The following PIKFYVE variants were observed in gnomAD, a reference collection of about 807,000 sequenced individuals.
PIKFYVE encodes phosphoinositide kinase, FYVE-type zinc finger containing.
Under a neutral mutation model 257.9 loss-of-function variants are expected in PIKFYVE, and 122 were observed. The ratio of observed to expected loss-of-function variants is 0.47; its 90% confidence interval spans 0.41 to 0.55. The LOEUF (loss-of-function observed/expected upper bound fraction) is 0.55. Ranked by LOEUF, PIKFYVE falls within the 20% of genes least tolerant of loss-of-function variation. The probability of loss-of-function intolerance (pLI) is 0.00; values close to 1 mark genes in which losing one functional copy is unlikely to be tolerated. For missense variants in PIKFYVE, 2,160 were observed against 2,536.6 expected (o/e 0.85, Z 3.19); for synonymous variants, 892 against 868.9 (o/e 1.03, Z -0.47).
intron 33 of PIKFYVE, 82 bp downstream of exon 33, chr2:208,345,276 CATTT>C: frequency 8.9e-7 from 1 of 1,119,252 alleles, no homozygotes; most frequent in Non-Finnish European, 1.3e-6. Flanking sequence ...TTTATTACAG[CATTT>C]ATCATCATAA....
intron 9 of PIKFYVE, among the ~76,000 whole-genome samples, chr2:208,301,936 A>G (rs946532151): frequency 2.6e-5 from 4 of 152,176 alleles, no homozygotes; most frequent in African/African-American, 7.2e-5. Flanking sequence ...GCTTTTCTCA[A>G]CATTTTAAAA....
chr2:208,310,836 A>G (rs926696360), intron 12 of PIKFYVE, among the ~76,000 whole-genome samples: 4 of 152,220 alleles, frequency 2.6e-5, no homozygotes, highest in Admixed American at 6.5e-5. Context: ...TAAGAAGAAA[A>G]ACTGTGGATT....
chr2:208,311,920 A>T (rs1380739990), intron 12 of PIKFYVE, among the ~76,000 whole-genome samples: 1 of 152,236 alleles, frequency 6.6e-6, no homozygotes, highest in East Asian at 1.9e-4. Context: ...CAAGTATCTG[A>T]AGATTTAATT....
chr2:208,274,148 C>G, intron 3 of PIKFYVE: 1 of 1,342,832 alleles, frequency 7.4e-7, no homozygotes, highest in South Asian at 1.2e-5. Context: ...TCTGTCAACT[C>G]CATTATTGGG....
Position 208,335,802 on chromosome 2 carries a change from G to A in PIKFYVE, c.4266G>A (p.Gln1422=). 6.2e-7 allele frequency: 1 copy of A among 1,610,244 alleles called. No homozygotes were observed. Among genetic ancestry groups the A allele is most frequent in the Non-Finnish European group, 8.5e-7 (1 of 1,176,930 alleles). ...DLKDFFQKVS[Q]VYVAIDERLA... is the part of the protein sequence containing the mutation. Reference sequence around the variant, plus strand: ...CTCTCGCTATTGTTAGAGTTTCACAGGTATATGTTGCCATTGATGAAAGAC... The same window carrying A: ...CTCTCGCTATTGTTAGAGTTTCACAAGTATATGTTGCCATTGATGAAAGAC... The change falls in exon 26 of 42, where the codon CAG becomes CAA. Residue 1422 remains glutamine (Q), a synonymous_variant. Transcript: ENST00000264380.
chr2:208,348,058 G>T, intron 35 of PIKFYVE, 35 bp downstream of exon 35: 1 of 1,607,068 alleles, frequency 6.2e-7, no homozygotes. Context: ...CTTATTCTAT[G>T]CTTTGATTTA....
chr2:208,295,187 A>G (rs915498767), intron 7 of PIKFYVE, among the ~76,000 whole-genome samples: 2 of 152,224 alleles, frequency 1.3e-5, no homozygotes, highest in African/African-American at 4.8e-5. Flanking sequence ...ACCTAAGAAC[A>G]GTTGATGATT....
chr2:208,285,276 A>G (rs1484314297), intron 5 of PIKFYVE, among the ~76,000 whole-genome samples: 1 of 151,990 alleles, frequency 6.6e-6, no homozygotes, highest in East Asian at 1.9e-4. Context: ...TTGTATTTTT[A>G]GTAGAGATGG....
At chr2:208,266,733 G>C (rs1265455319) in intron 1 of PIKFYVE, among the ~76,000 whole-genome samples, 1 of 152,238 alleles carries the variant, frequency 6.6e-6, no homozygotes, top group Non-Finnish European at 1.5e-5. Context: ...AGGAGGGGAA[G>C]AGTACAGTTA....
intron 5 of PIKFYVE, among the ~76,000 whole-genome samples, chr2:208,283,795 G>A (rs1157785504): frequency 6.6e-6 from 1 of 152,120 alleles, no homozygotes; most frequent in Non-Finnish European, 1.5e-5. Context: ...TGTAGCCTAG[G>A]CTGGTCTCAA....
rs755576188 is a variant in PIKFYVE, at chr2:208,315,229, G to A, written c.1863G>A (p.Gln621=). Residue 621 remains glutamine, a synonymous_variant, in exon 15 of 42, where the codon CAG becomes CAA. Coordinates refer to ENST00000264380, the MANE Select transcript of PIKFYVE (RefSeq NM_015040.4). ...ATAACCACATGATGGCACTACTCCA[G>A]CAGTTGCTCCATAGTGACTCACTGT... ...ANHNHMMALL[Q]QLLHSDSLSS... 6.2e-7 allele frequency: 1 copy of A among 1,614,034 alleles called. No individual in the cohort carries two copies. The highest frequency in any genetic ancestry group is 1.1e-5 in the South Asian group (1 of 91,078).
At chr2:208,288,642 T>G in intron 6 of PIKFYVE, 87 bp from the exon 7 acceptor site, 1 of 1,561,454 alleles carries the variant, frequency 6.4e-7, no homozygotes, top group South Asian at 1.2e-5. Flanking sequence ...GGAAAAAGAT[T>G]AAATCTGCTT....
At chr2:208,275,496 A>G (rs1303567130) in intron 3 of PIKFYVE, among the ~76,000 whole-genome samples, 1 of 151,986 alleles carries the variant, frequency 6.6e-6, no homozygotes. Context: ...TTGTTTTGAG[A>G]CTCAAGTTTA....
At position 208,332,791 on chromosome 2, in the gene PIKFYVE, C is replaced by A. The variant is rs536387119; in HGVS notation, c.3964-524C>A. Among the ~76,000 whole-genome samples the A allele has an allele frequency of 1.6e-3, 243 of 151,700 alleles. 2 individuals carry two copies. The highest frequency in any genetic ancestry group is 5.3e-4 in the Non-Finnish European group (36 of 67,908). ...TGTGTATATATATATATAAATACATCAAAAATAAACATATACTAGTATATT... is the reference window on the plus strand; with the variant it reads ...TGTGTATATATATATATAAATACATAAAAAATAAACATATACTAGTATATT... On this transcript the variant is annotated intron_variant, in intron 23 of 41. Coordinates refer to ENST00000264380, the MANE Select transcript of PIKFYVE (RefSeq NM_015040.4).
At chr2:208,332,850 C>G (rs1697704779) in intron 23 of PIKFYVE, among the ~76,000 whole-genome samples, 1 of 152,050 alleles carries the variant, frequency 6.6e-6, no homozygotes, top group African/African-American at 2.4e-5. Flanking sequence ...TAATGCTGCT[C>G]TCCTCCACCA....
intron 32 of PIKFYVE, among the ~76,000 whole-genome samples, chr2:208,344,145 G>T (rs1213934413): frequency 1.3e-5 from 2 of 152,106 alleles, no homozygotes; most frequent in Admixed American, 6.6e-5. Context: ...CTTGGTGGTA[G>T]CTGAACTTAG....
chr2:208,327,792 A>G (rs777204111), intron 20 of PIKFYVE, among the ~76,000 whole-genome samples: 2 of 152,190 alleles, frequency 1.3e-5, no homozygotes, highest in South Asian at 2.1e-4. Flanking sequence ...AGCCATAAGC[A>G]TAGATAAATA....
chr2:208,301,261 T>G (rs942047695), intron 9 of PIKFYVE, among the ~76,000 whole-genome samples, 167 bp downstream of exon 9: 3 of 152,198 alleles, frequency 2.0e-5, no homozygotes, highest in Non-Finnish European at 4.4e-5. Context: ...AATCTGAGTT[T>G]TAACCAGCAG....
At chr2:208,314,106 G>T (rs1239046016) in intron 13 of PIKFYVE, among the ~76,000 whole-genome samples, 188 bp from the exon 14 acceptor site, 2 of 152,052 alleles carry the variant, frequency 1.3e-5, no homozygotes, top group Non-Finnish European at 2.9e-5. Context: ...TGTATTTTAT[G>T]TATTTGTAAG....
Sources: gnomAD v4.1 joint callset for allele counts (sites outside exome capture counted in the v4.1 genomes callset) on GRCh38, gnomAD v4.1.1 for gene constraint, MANE v1.5 for transcripts, NCBI Gene and HGNC (gene_info 2026-07-23, HGNC 2026-07-21) for gene names.